FAT4: variants seen among roughly 807,000 people sequenced by gnomAD.
FAT4 encodes the protein protocadherin Fat 4.
Under a neutral mutation model 303.9 loss-of-function variants are expected in FAT4, and 84 were observed. The ratio of observed to expected loss-of-function variants is 0.28; its 90% CI spans 0.23 to 0.33. The LOEUF (loss-of-function observed/expected upper bound fraction) is 0.33, where lower values mean the gene tolerates loss of function less well. Ranked by LOEUF, FAT4 falls within the 10% of genes least tolerant of loss-of-function variation. FAT4 has a pLI of 1.00. For missense variants in FAT4, 6,005 were observed against 6,146.8 expected (o/e 0.98, Z 0.77); for synonymous variants, 2,307 against 2,298.8 (o/e 1.00, Z -0.10).
chr4:125,404,605 T>G (rs1247645653), intron 3 of FAT4, among the ~76,000 whole-genome samples: 1 of 152,162 alleles, frequency 6.6e-6, no homozygotes, highest in East Asian at 1.9e-4. Context: ...TCTGCCCTTT[T>G]AAAAGATTTC....
At chr4:125,478,348 G>A (rs573821349) in intron 14 of FAT4, among the ~76,000 whole-genome samples, 1 of 152,180 alleles carries the variant, frequency 6.6e-6, no homozygotes, top group East Asian at 1.9e-4. Context: ...TAATACTTCG[G>A]TGTGCATCCT....
chr4:125,393,548 T>A (rs549130158), intron 2 of FAT4, among the ~76,000 whole-genome samples: 127 of 152,238 alleles, frequency 8.3e-4, no homozygotes, highest in Middle Eastern at 3.4e-3. Context: ...CCATGTATAA[T>A]AACATTCTTG....
intron 2 of FAT4, among the ~76,000 whole-genome samples, chr4:125,342,636 A>T (rs1391425734): frequency 2.0e-5 from 3 of 151,934 alleles, no homozygotes; most frequent in Non-Finnish European, 4.4e-5. Flanking sequence ...ATATGTTTAC[A>T]TTAAAACACT....
chr4:125,413,683 A>G (rs1281816707), intron 5 of FAT4, among the ~76,000 whole-genome samples: 1 of 151,980 alleles, frequency 6.6e-6, no homozygotes, highest in Non-Finnish European at 1.5e-5. Context: ...TGACTTCTTA[A>G]AGAACTTGAT....
Position 125,452,444 on chromosome 4 carries a change from C to G in FAT4, c.11434C>G (p.Pro3812Ala). ...SVDHDSCVHG[P>A]CQNGGSCLRR... ...GGATCATGACTCCTGTGTGCATGGC[C>G]CATGTCAGAATGGAGGGAGCTGTCT... The change falls in exon 10 of 18, where the codon CCA becomes GCA. Residue 3812 changes from proline to alanine, a missense_variant. Physicochemically the swap from Pro to Ala is conservative, Grantham distance 27. Transcript: ENST00000394329. The G allele has an allele frequency of 6.2e-7, 1 of 1,613,950 alleles. No homozygotes were observed.
intron 2 of FAT4, among the ~76,000 whole-genome samples, chr4:125,345,603 T>G (rs145703120): frequency 9.8e-4 from 149 of 152,226 alleles, no homozygotes; most frequent in Non-Finnish European, 1.8e-3. Context: ...ATCTTTCAAA[T>G]TACTACTCTG....
chr4:125,434,389 C>A lies in FAT4; in HGVS notation c.7163C>A (p.Ala2388Asp). The stretch of plus-strand genomic sequence containing the variant: ...GGAACAGATGTTTTATTGGTAAATG[C>A]CTCAGATGCTGATGCTTCAAAGAAT... ...PTGTDVLLVN[A>D]SDADASKNAV... Residue 2388 changes from alanine (A) to aspartate (D), a missense_variant, in exon 8 of 18, where the codon GCC becomes GAC. Ala to Asp is a moderately radical substitution (Grantham distance 126). Coordinates refer to ENST00000394329, the MANE Select transcript of FAT4 (RefSeq NM_001291303.3). 5.6e-6 allele frequency: 9 copies of A among 1,614,006 alleles called. No homozygotes were observed. Among genetic ancestry groups the A allele is most frequent in the Non-Finnish European group, 7.6e-6 (9 of 1,179,970 alleles).
Position 125,434,246 on chromosome 4 carries a change from A to G in FAT4, c.7020A>G (p.Gly2340=), listed in dbSNP as rs761988973. The change falls in exon 8 of 18, where the codon GGA becomes GGG. Residue 2340 remains glycine, a splice_region_variant and synonymous_variant. Coordinates refer to ENST00000394329, the MANE Select transcript of FAT4 (RefSeq NM_001291303.3). The part of the protein sequence containing the change: ...FVLMITATDS[G]SPALTGTGTI... ...GACTTGATTTTCTTTTCTTTTTAGG[A>G]TCCCCTGCCTTGACTGGAACTGGAA... 4.4e-6 allele frequency: 7 copies of G among 1,603,888 alleles called. No individual in the cohort carries two copies. The Admixed American group carries it at 6.9e-5, about 16-fold the overall frequency.
At chr4:125,480,338 A>G (rs1727183312) in intron 15 of FAT4, among the ~76,000 whole-genome samples, 1 of 152,274 alleles carries the variant, frequency 6.6e-6, no homozygotes, top group African/African-American at 2.4e-5. Flanking sequence ...ATTTTAATGT[A>G]CAAGTAGTAG....
intron 10 of FAT4, among the ~76,000 whole-genome samples, chr4:125,456,153 C>G (rs1726269648): frequency 6.6e-6 from 1 of 152,074 alleles, no homozygotes. Flanking sequence ...AGACTTCCAG[C>G]CCTTGCAATA....
chr4:125,342,594 T>C (rs2125969697), intron 2 of FAT4, among the ~76,000 whole-genome samples: 1 of 152,110 alleles, frequency 6.6e-6, no homozygotes, highest in East Asian at 1.9e-4. Flanking sequence ...TATACACTCA[T>C]ATTTCCTGTT....
chr4:125,333,666 C>CT (rs982786395), intron 2 of FAT4, among the ~76,000 whole-genome samples: 4 of 152,062 alleles, frequency 2.6e-5, no homozygotes, highest in African/African-American at 9.7e-5. Context: ...CTTAAGGAGA[C>CT]TTTATTTTAA....
At chr4:125,388,209 A>C (rs1052766464) in intron 2 of FAT4, among the ~76,000 whole-genome samples, 20 of 152,204 alleles carry the variant, frequency 1.3e-4, no homozygotes, top group African/African-American at 4.8e-4. Flanking sequence ...GAAAGAGCCC[A>C]AAAAAGGCAA....
chr4:125,448,377 A>G, intron 9 of FAT4, 84 bp from the exon 10 acceptor site: 1 of 1,221,530 alleles, frequency 8.2e-7, no homozygotes, highest in Non-Finnish European at 1.1e-6. Context: ...AAGCAGCAAT[A>G]GAGTGTCTTA....
intron 11 of FAT4, among the ~76,000 whole-genome samples, chr4:125,464,819 C>T (rs1339717757): frequency 3.9e-5 from 6 of 152,124 alleles, no homozygotes; most frequent in Admixed American, 3.3e-4. Flanking sequence ...TTTCCAGCTT[C>T]ATCTATGTCT....
intron 2 of FAT4, among the ~76,000 whole-genome samples, chr4:125,339,869 T>C (rs1236169084): frequency 6.6e-6 from 1 of 152,078 alleles, no homozygotes; most frequent in Non-Finnish European, 1.5e-5. Flanking sequence ...TTGGAAAATT[T>C]AAAAAAATAA....
At chr4:125,471,778 G>A (rs532581397) in intron 12 of FAT4, among the ~76,000 whole-genome samples, 141 of 151,256 alleles carry the variant, frequency 9.3e-4, no homozygotes, top group African/African-American at 3.2e-3. Flanking sequence ...GTGGCCAGGC[G>A]GGGTGGCTCA....
rs757977008 is a variant in FAT4, at chr4:125,476,232, G to C, written c.12275G>C (p.Ser4092Thr). The change falls in exon 13 of 18, where the codon AGT (serine) becomes ACT (threonine). Residue 4092 changes from serine to threonine, a missense_variant. Coordinates refer to ENST00000394329, the MANE Select transcript of FAT4 (RefSeq NM_001291303.3). The stretch of plus-strand genomic sequence containing the variant: ...CAAGAGCCAGGATATTGTACTGTCA[G>C]TAATGTGGCAGTTTCAGATGACTGG... ...ENQEPGYCTVSNVAVSDDWTL... is the reference protein window; with the variant it reads ...ENQEPGYCTVTNVAVSDDWTL... 1.9e-6 allele frequency: 3 copies of C among 1,593,352 alleles called. No homozygotes were observed. In the South Asian group the frequency reaches 3.4e-5, roughly 18 times the overall value.
chr4:125,373,391 T>C (rs531041657), intron 2 of FAT4, among the ~76,000 whole-genome samples: 1 of 152,250 alleles, frequency 6.6e-6, no homozygotes, highest in South Asian at 2.1e-4. Context: ...AAAGAGGTGA[T>C]ATCTAAAGGA....
Sources: gnomAD v4.1 joint callset for allele counts (sites outside exome capture counted in the v4.1 genomes callset) on GRCh38, gnomAD v4.1.1 for gene constraint, MANE v1.5 for transcripts, NCBI Gene and HGNC (gene_info 2026-07-23, HGNC 2026-07-21) for gene names.